UGGT1: variants seen among roughly 807,000 people sequenced by gnomAD.
UGGT1 encodes UDP-glucose glycoprotein glucosyltransferase 1, also known as UDP-glucose:glycoprotein glucosyltransferase 1.
A neutral mutation model predicts 203.9 loss-of-function variants in UGGT1; 107 were observed. The observed-to-expected ratio is 0.52, with a 90% CI of 0.45 to 0.62. UGGT1 has a LOEUF of 0.62. Ranked by LOEUF, UGGT1 falls within the 20% of genes least tolerant of loss-of-function variation. The pLI is 0.00. For synonymous variants in UGGT1, 628 were observed against 653.5 expected (o/e 0.96, Z 0.59); for missense variants, 1,673 against 1,867.2 (o/e 0.90, Z 1.92).
At chr2:128,165,237 CA>C (rs1174328274) in intron 26 of UGGT1, among the ~76,000 whole-genome samples, 2 of 152,100 alleles carry the variant, frequency 1.3e-5, no homozygotes, top group Non-Finnish European at 2.9e-5. Flanking sequence ...GACCAGCAAA[CA>C]AAGGGAGACC....
rs188285536 is a variant in UGGT1 at position 128,154,366 on chromosome 2, C to T, written c.2138-1123C>T. On this transcript the variant is annotated intron_variant, in intron 19 of 40. Transcript: ENST00000259253. ...GAATTTCCTTTTCCATTGAGTGTTG[C>T]AGCAATGAGCTATGAAACAGTGCTA... Among the ~76,000 whole-genome samples the T allele has an allele frequency of 1.8e-4, 27 of 152,242 alleles. No individual in the cohort carries two copies. The East Asian group carries it at 5.2e-3, about 29-fold the overall frequency.
intron 16 of UGGT1, among the ~76,000 whole-genome samples, chr2:128,142,469 C>T (rs1034019517): frequency 6.7e-6 from 1 of 149,642 alleles, no homozygotes; most frequent in Non-Finnish European, 1.5e-5. Context: ...CCTGTAGTCC[C>T]AGCTACTCAG....
chr2:128,183,083 A>G (rs1691788238), intron 37 of UGGT1, among the ~76,000 whole-genome samples: 1 of 152,158 alleles, frequency 6.6e-6, no homozygotes, highest in African/African-American at 2.4e-5. Context: ...CATATCTCAT[A>G]TATTTGTGAG....
chr2:128,112,772 C>T (rs1419056833), intron 5 of UGGT1, among the ~76,000 whole-genome samples: 1 of 151,188 alleles, frequency 6.6e-6, no homozygotes, highest in Non-Finnish European at 1.5e-5. Flanking sequence ...ATTGTAGAGT[C>T]GAGGTTTTGC....
At chr2:128,179,891 G>A in intron 35 of UGGT1, 21 bp downstream of exon 35, 1 of 1,589,848 alleles carries the variant, frequency 6.3e-7, no homozygotes, top group South Asian at 1.1e-5. Flanking sequence ...CAGAGAAAGG[G>A]AAAACATTCT....
chr2:128,134,803 C>A, intron 14 of UGGT1, 73 bp from the exon 15 acceptor site: 1 of 1,367,682 alleles, frequency 7.3e-7, no homozygotes, highest in Non-Finnish European at 1.0e-6. Context: ...TACAGTGACT[C>A]ATAACATTTT....
intron 16 of UGGT1, 128 bp downstream of exon 16, chr2:128,138,980 T>C (rs1286764856): frequency 1.7e-6 from 2 of 1,205,296 alleles, no homozygotes; most frequent in Non-Finnish European, 2.3e-6. Flanking sequence ...AATTTAAAAG[T>C]CATGTCTGCT....
chr2:128,153,253 A>C (rs1363842649), intron 19 of UGGT1, among the ~76,000 whole-genome samples: 1 of 152,236 alleles, frequency 6.6e-6, no homozygotes, highest in African/African-American at 2.4e-5. Context: ...CTTCATCCTC[A>C]TTCTAGAGTC....
At chr2:128,135,177 A>T (rs918070530) in intron 15 of UGGT1, among the ~76,000 whole-genome samples, 5 of 152,252 alleles carry the variant, frequency 3.3e-5, no homozygotes, top group Non-Finnish European at 7.3e-5. Flanking sequence ...ATTATCAATA[A>T]ATAGCCCATG....
rs1689659145 is a variant in UGGT1, at chr2:128,145,809, A to G, written c.1858A>G (p.Arg620Gly). The G allele has an allele frequency of 7.0e-6, 11 of 1,565,570 alleles. No homozygotes were observed. Among genetic ancestry groups the G allele is most frequent in the Non-Finnish European group, 9.5e-6 (11 of 1,154,178 alleles). Residue 620 changes from arginine (R) to glycine (G), a missense_variant, in exon 18 of 41, where the codon AGA becomes GGA. Coordinates refer to ENST00000259253, the MANE Select transcript of UGGT1 (RefSeq NM_020120.4). ...GTGGTTACTTGTGTTTCAGGAAGCA[A>G]GAGGCTACTATGAGCAGACTGGAGT... ...SAYDRNRKEA[R>G]GYYEQTGVGP...
intron 11 of UGGT1, among the ~76,000 whole-genome samples, chr2:128,126,895 C>G (rs1331921015): frequency 6.6e-6 from 1 of 152,010 alleles, no homozygotes; most frequent in Non-Finnish European, 1.5e-5. Flanking sequence ...GTTGTCCAGG[C>G]TGGTCTCCAA....
At chr2:128,110,606 T>C (rs552635213) in intron 5 of UGGT1, among the ~76,000 whole-genome samples, 1 of 152,338 alleles carries the variant, frequency 6.6e-6, no homozygotes, top group African/African-American at 2.4e-5. Flanking sequence ...TTTAATTTGC[T>C]ACAACAATAA....
chr2:128,130,411 A>G (rs1688818073), intron 13 of UGGT1, among the ~76,000 whole-genome samples: 1 of 152,204 alleles, frequency 6.6e-6, no homozygotes. Flanking sequence ...GAAATAATGT[A>G]GAATGTAGAT....
At chr2:128,180,141 C>T (rs955122068) in intron 35 of UGGT1, among the ~76,000 whole-genome samples, 9 of 152,094 alleles carry the variant, frequency 5.9e-5, no homozygotes, top group Non-Finnish European at 1.3e-4. Flanking sequence ...CGTTTCCTTC[C>T]TCTGAAGCCT....
chr2:128,152,087 T>G, intron 18 of UGGT1, among the ~76,000 whole-genome samples: 1 of 152,204 alleles, frequency 6.6e-6, no homozygotes. Context: ...TCTGGAGATG[T>G]AAGTTTATTT....
At chr2:128,135,423 G>A (rs1444744224) in intron 15 of UGGT1, among the ~76,000 whole-genome samples, 3 of 151,954 alleles carry the variant, frequency 2.0e-5, no homozygotes, top group African/African-American at 7.3e-5. Flanking sequence ...GATTTCCACT[G>A]TCTTTTTAAG....
At chr2:128,179,056 G>A (rs1296393303) in intron 34 of UGGT1, among the ~76,000 whole-genome samples, 1 of 152,146 alleles carries the variant, frequency 6.6e-6, no homozygotes, top group Non-Finnish European at 1.5e-5. Flanking sequence ...AGCCAGAAGA[G>A]GCCACGGGCT....
At position 128,186,697 on chromosome 2, in the gene UGGT1, C is replaced by T. The variant is rs1691998661; in HGVS notation, c.4374C>T (p.Asn1458=). ...TAACCAAACAGGATCTGCCCAATAA[C>T]ATGATTCATCAGGTGCCAATTAAAT... is the stretch of plus-strand genomic sequence containing the variant. The part of the protein sequence containing the change: ...LSNLDQDLPN[N]MIHQVPIKSL... The change falls in exon 39 of 41, where the codon AAC becomes AAT. Residue 1458 remains asparagine (N), a synonymous_variant. Transcript: ENST00000259253. The T allele has an allele frequency of 6.2e-7, 1 of 1,613,088 alleles. No homozygotes were observed. Among genetic ancestry groups the T allele is most frequent in the Non-Finnish European group, 8.5e-7 (1 of 1,179,408 alleles).
chr2:128,177,024 G>A, intron 32 of UGGT1, 126 bp downstream of exon 32: 1 of 815,698 alleles, frequency 1.2e-6, no homozygotes, highest in Non-Finnish European at 1.9e-6. Flanking sequence ...CTGCTTTAAG[G>A]CAAAATGTCT....
Sources: allele counts gnomAD v4.1 joint callset (sites outside exome capture counted in the v4.1 genomes callset), GRCh38; gene constraint gnomAD v4.1.1; transcripts MANE v1.5; gene names NCBI Gene and HGNC (gene_info 2026-07-23, HGNC 2026-07-21).